KCNN2: variants seen among roughly 807,000 people sequenced by gnomAD.
KCNN2 encodes small conductance calcium-activated potassium channel protein 2.
KCNN2 carries 24 observed loss-of-function variants against 55.5 expected under a neutral mutation model. The ratio of observed to expected loss-of-function variants is 0.43; its 90% CI spans 0.31 to 0.61. The LOEUF (loss-of-function observed/expected upper bound fraction) is 0.61, where lower values mean the gene tolerates loss of function less well. Among genes scored for constraint, KCNN2 ranks in the 20% least tolerant of loss-of-function variants. KCNN2 has a pLI of 0.08. For synonymous variants in KCNN2, 431 were observed against 336.1 expected (o/e 1.28, Z -3.09); for missense variants, 754 against 853.6 (o/e 0.88, Z 1.45).
intron 2 of KCNN2, among the ~76,000 whole-genome samples, chr5:114,243,852 G>A (rs762981888): frequency 2.0e-4 from 31 of 152,270 alleles, no homozygotes; most frequent in Non-Finnish European, 4.3e-4. Context: ...TTCACTTTGG[G>A]TAAGAATAAA....
chr5:114,228,045 A>G (rs1488011377), intron 2 of KCNN2, among the ~76,000 whole-genome samples: 1 of 151,446 alleles, frequency 6.6e-6, no homozygotes, highest in African/African-American at 2.4e-5. Context: ...GAAGAAGGAG[A>G]TGATGATAAA....
chr5:114,083,577 G>T (rs546772757), intron 1 of KCNN2, among the ~76,000 whole-genome samples: 5 of 152,158 alleles, frequency 3.3e-5, no homozygotes, highest in African/African-American at 1.2e-4. Flanking sequence ...AAATTCAGCA[G>T]ATAATATGGA....
At chr5:114,352,400 TTC>T (rs1010664305) in intron 2 of KCNN2, among the ~76,000 whole-genome samples, 16 of 149,720 alleles carry the variant, frequency 1.1e-4, no homozygotes, top group African/African-American at 2.4e-5. Context: ...CAATGATATG[TTC>T]TGTTTTTTAT....
intron 2 of KCNN2, among the ~76,000 whole-genome samples, chr5:114,378,233 C>T (rs558611944): frequency 2.6e-5 from 4 of 152,282 alleles, no homozygotes; most frequent in Admixed American, 2.6e-4. Context: ...TTGTATATTG[C>T]CGCTTTTGTG....
At chr5:114,403,475 G>A (rs1758844530) in intron 2 of KCNN2, among the ~76,000 whole-genome samples, 2 of 152,140 alleles carry the variant, frequency 1.3e-5, no homozygotes, top group African/African-American at 2.4e-5. Context: ...CCTAATACGT[G>A]GGACTCTCAG....
intron 2 of KCNN2, among the ~76,000 whole-genome samples, chr5:114,232,039 G>A (rs1237933223): frequency 6.6e-6 from 1 of 150,788 alleles, no homozygotes; most frequent in Non-Finnish European, 1.5e-5. Flanking sequence ...TAACTTTTGA[G>A]GCCAGTATTG....
intron 4 of KCNN2, among the ~76,000 whole-genome samples, chr5:114,469,505 G>A (rs1453569775): frequency 6.6e-6 from 1 of 152,138 alleles, no homozygotes; most frequent in African/African-American, 2.4e-5. Flanking sequence ...TTCTGACTTT[G>A]GTGAAAGGAA....
At chr5:114,215,477 C>T (rs2112586469) in intron 1 of KCNN2, among the ~76,000 whole-genome samples, 1 of 152,206 alleles carries the variant, frequency 6.6e-6, no homozygotes, top group South Asian at 2.1e-4. Context: ...TGTGGACTAA[C>T]ACTCTAAGGC....
intron 1 of KCNN2, among the ~76,000 whole-genome samples, chr5:114,105,167 A>G (rs1213021278): frequency 6.6e-6 from 1 of 152,054 alleles, no homozygotes; most frequent in African/African-American, 2.4e-5. Flanking sequence ...GATGGCTGCA[A>G]CTATTCCTGT....
rs75973538 is a variant in KCNN2, at chr5:114,121,906, G to A, written c.-271+65406G>A. On this transcript the variant is annotated intron_variant, in intron 1 of 10. Coordinates refer to the KCNN2 transcript ENST00000512097. ...AAAAGATCACACTTTAATAATGCCAGGATTATGTTCTTAAGAGTTCAAAGA... is the reference window on the plus strand; with the variant it reads ...AAAAGATCACACTTTAATAATGCCAAGATTATGTTCTTAAGAGTTCAAAGA... 2.6e-3 allele frequency among the ~76,000 whole-genome samples: 400 copies of A among 152,314 alleles called. 1 individual carries two copies. Among genetic ancestry groups the A allele is most frequent in the African/African-American group, 8.8e-3 (367 of 41,568 alleles).
At chr5:114,132,050 T>C (rs1752082605) in intron 1 of KCNN2, among the ~76,000 whole-genome samples, 1 of 152,204 alleles carries the variant, frequency 6.6e-6, no homozygotes, top group Non-Finnish European at 1.5e-5. Flanking sequence ...GACGGATAGA[T>C]TGCAAAAAAT....
At position 114,332,572 on chromosome 5, in the gene KCNN2, G is replaced by GA. The variant is rs1457879936; in HGVS notation, c.-184-28367dup. Among the ~76,000 whole-genome samples the GA allele has an allele frequency of 9.2e-5, 14 of 152,264 alleles. No individual in the cohort carries two copies. In the East Asian group the frequency reaches 2.7e-3, roughly 29 times the overall value. ...TTGGGGTTGATATTTAACCAAATCT[G>GA]AAAAAATTAAGATCTTGATGTGGTC... is the stretch of plus-strand genomic sequence containing the variant. On this transcript the variant is annotated intron_variant, in intron 2 of 10. Coordinates refer to the KCNN2 transcript ENST00000512097.
intron 1 of KCNN2, among the ~76,000 whole-genome samples, chr5:114,132,046 T>C (rs1168850067): frequency 6.6e-6 from 1 of 152,188 alleles, no homozygotes; most frequent in Admixed American, 6.5e-5. Context: ...GTCAGACGGA[T>C]AGATTGCAAA....
chr5:114,162,796 C>T lies in KCNN2; in HGVS notation c.-270-58684C>T, dbSNP rs565945226. 5.9e-5 allele frequency among the ~76,000 whole-genome samples: 9 copies of T among 152,252 alleles called. No homozygotes were observed. The South Asian group carries it at 8.3e-4, about 14-fold the overall frequency. On this transcript the variant is annotated intron_variant, in intron 1 of 10. Transcript: ENST00000512097. Reference sequence around the variant, plus strand: ...GAGGCTCTTTGGGCACAGGACCCTCCGAGCCAGGTGTGGGATATAATCTCC... The same window carrying T: ...GAGGCTCTTTGGGCACAGGACCCTCTGAGCCAGGTGTGGGATATAATCTCC...
intron 1 of KCNN2, among the ~76,000 whole-genome samples, chr5:114,163,259 C>G (rs1417520086): frequency 2.0e-5 from 3 of 152,124 alleles, no homozygotes; most frequent in Non-Finnish European, 4.4e-5. Flanking sequence ...GACTTCCTGT[C>G]TTCCAGTTTG....
chr5:114,492,110 C>T (rs1374695012), intron 6 of KCNN2, among the ~76,000 whole-genome samples: 1 of 152,028 alleles, frequency 6.6e-6, no homozygotes, highest in African/African-American at 2.4e-5. Context: ...TGTTAAAGAT[C>T]GTGTTGTAGG....
intron 2 of KCNN2, among the ~76,000 whole-genome samples, chr5:114,394,557 C>T (rs181867558): frequency 6.6e-6 from 1 of 152,242 alleles, no homozygotes; most frequent in Admixed American, 6.5e-5. Context: ...GAGTTTGTGT[C>T]AAAAAGGCCT....
Position 114,487,050 on chromosome 5 carries a change from G to C in KCNN2, c.1891G>C (p.Val631Leu), listed in dbSNP as rs781382107. Residue 631 changes from valine (V) to leucine (L), a missense_variant and splice_region_variant, in exon 6 of 8, where the codon GTA (valine) becomes CTA (leucine). Val to Leu is a conservative substitution (Grantham distance 32). Around this residue, in one of 4 missense-constraint regions of KCNN2, gnomAD observed 86 missense variants for 233.0 expected, o/e 0.37. Transcript: ENST00000673685. The stretch of plus-strand genomic sequence containing the variant: ...ACTGCTTTGTTTGTTCTCTTAACAG[G>C]TAAAAAATGCAGCTGCCAATGTACT... ...FMMDTQLTKR[V>L]KNAAANVLRE... 4 of 1,612,596 alleles carry C rather than the reference G, an allele frequency of 2.5e-6. No homozygotes were observed. Among genetic ancestry groups the C allele is most frequent in the Non-Finnish European group, 3.4e-6 (4 of 1,179,192 alleles).
chr5:114,137,223 A>G (rs1752191621), intron 1 of KCNN2, among the ~76,000 whole-genome samples: 1 of 152,174 alleles, frequency 6.6e-6, no homozygotes, highest in Non-Finnish European at 1.5e-5. Flanking sequence ...CATATTAGAG[A>G]TAAAAATGTC....
Sources: allele counts gnomAD v4.1 joint callset (sites outside exome capture counted in the v4.1 genomes callset), GRCh38; gene constraint gnomAD v4.1.1; regional missense constraint gnomAD v4.1.1; transcripts MANE v1.5; gene names NCBI Gene and HGNC (gene_info 2026-07-23, HGNC 2026-07-21).